Variants in VTCN1 observed in about 807,000 individuals in gnomAD.
VTCN1 encodes V-set domain containing T cell activation inhibitor 1.
Under a neutral mutation model 26.5 loss-of-function variants are expected in VTCN1, and 26 were observed. The observed-to-expected ratio is 0.98, with a 90% confidence interval of 0.72 to 1.36. VTCN1 has a LOEUF of 1.36. Ranked by LOEUF, VTCN1 falls within the 40% of genes most tolerant of loss-of-function variation. VTCN1 has a pLI of 0.00. For synonymous variants in VTCN1, 116 were observed against 130.7 expected (o/e 0.89, Z 0.77); for missense variants, 298 against 337.7 (o/e 0.88, Z 0.92).
intron 1 of VTCN1, among the ~76,000 whole-genome samples, chr1:117,199,322 A>G (rs1373765395): frequency 6.6e-6 from 1 of 151,898 alleles, no homozygotes; most frequent in East Asian, 1.9e-4. Context: ...TGAAATTACC[A>G]TTTTTCTTTT....
intron 1 of VTCN1, among the ~76,000 whole-genome samples, chr1:117,206,176 C>A (rs12089928): frequency 0.012 from 1,869 of 149,758 alleles, 42 homozygotes; most frequent in African/African-American, 0.044. Context: ...GAATAAGAAT[C>A]TGGAGAACTC....
intron 4 of VTCN1, among the ~76,000 whole-genome samples, chr1:117,150,263 C>T (rs934226805): frequency 7.9e-5 from 12 of 152,200 alleles, no homozygotes; most frequent in African/African-American, 2.9e-4. Flanking sequence ...TTCAGTCTCA[C>T]CACTCTCTTG....
intron 1 of VTCN1, chr1:117,172,547 T>C (rs151093184): frequency 1.8e-4 from 92 of 498,378 alleles, no homozygotes; most frequent in African/African-American, 1.6e-3. Context: ...TTCATTTACT[T>C]TGGATAAAAT....
chr1:117,170,753 T>C (rs557587560), intron 1 of VTCN1, among the ~76,000 whole-genome samples: 4 of 152,294 alleles, frequency 2.6e-5, no homozygotes, highest in African/African-American at 9.6e-5. Flanking sequence ...TTAGAAAATA[T>C]AAACAAGCAA....
chr1:117,157,528 A>T (rs1319009652), intron 2 of VTCN1, among the ~76,000 whole-genome samples: 1 of 152,218 alleles, frequency 6.6e-6, no homozygotes, highest in Admixed American at 6.5e-5. Context: ...ACTCACTACC[A>T]CAAGAACAGT....
At position 117,144,821 on chromosome 1, in the gene VTCN1, T is replaced by C. The variant is rs1246763455; in HGVS notation, c.*450A>G. 6.6e-6 allele frequency: 1 copy of C among 152,620 alleles called. No homozygotes were observed. The highest frequency in any genetic ancestry group is 1.5e-5 in the Non-Finnish European group (1 of 68,048). The allele number at this position is 152,620 out of a possible 1,614,324, so 9.5% of individuals were successfully genotyped here. A position where few individuals can be genotyped will look rare whatever the true frequency, so the allele number is the denominator to read the frequency against. The stretch of plus-strand genomic sequence containing the variant: ...ACATACTACAGCTTAATTTGTGGAA[T>C]ATAAGATGTGGATATGTTGGGATAG... On this transcript the variant is annotated 3_prime_UTR_variant, in exon 6 of 6. Transcript: ENST00000369458.
chr1:117,151,433 C>T (rs1007581579), intron 4 of VTCN1, among the ~76,000 whole-genome samples: 1 of 152,284 alleles, frequency 6.6e-6, no homozygotes, highest in South Asian at 2.1e-4. Flanking sequence ...AACAGCAAAA[C>T]ACCAAACCCT....
intron 2 of VTCN1, among the ~76,000 whole-genome samples, chr1:117,158,365 C>T (rs1652196459): frequency 1.3e-5 from 2 of 152,222 alleles, no homozygotes. Flanking sequence ...TCGCAAACCC[C>T]AATTCTTGAC....
intron 4 of VTCN1, among the ~76,000 whole-genome samples, chr1:117,150,432 C>T (rs1455544846): frequency 1.3e-5 from 2 of 152,182 alleles, no homozygotes; most frequent in African/African-American, 4.8e-5. Context: ...AACTGAACTT[C>T]CTGTCTTTGG....
At chr1:117,162,360 G>C (rs990251535) in intron 2 of VTCN1, among the ~76,000 whole-genome samples, 1 of 152,180 alleles carries the variant, frequency 6.6e-6, no homozygotes, top group South Asian at 2.1e-4. Context: ...AAACTATTCA[G>C]ACTTGCAAAC....
In VTCN1 at chr1:117,146,542, G is replaced by A. The variant is rs1570932774; in HGVS notation, c.*45+1071C>T. Among the ~76,000 whole-genome samples the A allele has an allele frequency of 6.6e-6, 1 of 152,178 alleles. No individual in the cohort carries two copies. Among genetic ancestry groups the A allele is most frequent in the Admixed American group, 6.5e-5 (1 of 15,274 alleles). On this transcript the variant is annotated intron_variant, in intron 5 of 5. Transcript: ENST00000369458. The surrounding 1 kb of genome is among the most constrained non-coding windows in gnomAD (Gnocchi z 4.2). ...AGACTCTTGGGGAGGTGGGATATAA[G>A]CTAGGAAGCATTTTCCTAAAATGGA...
intron 1 of VTCN1, among the ~76,000 whole-genome samples, chr1:117,202,452 G>C (rs1399039420): frequency 6.6e-6 from 1 of 152,148 alleles, no homozygotes; most frequent in African/African-American, 2.4e-5. Context: ...CATCTGTGTT[G>C]AATGCTGAAG....
intron 1 of VTCN1, among the ~76,000 whole-genome samples, chr1:117,176,669 A>G (rs1647369025): frequency 1.3e-5 from 2 of 152,238 alleles, no homozygotes; most frequent in Non-Finnish European, 2.9e-5. Context: ...CAAATGTGTG[A>G]TTTATTTGAA....
rs1652785726 is a variant in VTCN1 at position 117,169,518 on chromosome 1, CTGAT to C, written c.97+585_97+588del. Among the ~76,000 whole-genome samples, 1 of 152,218 alleles carries C rather than the reference CTGAT, an allele frequency of 6.6e-6. No homozygotes were observed. Among genetic ancestry groups the C allele is most frequent in the South Asian group, 2.1e-4 (1 of 4,836 alleles). ...CCCAGAATGACATCTTCAGCACTGA[CTGAT>C]AGATAGACTACTGATAAACATCTCA... On this transcript the variant is annotated intron_variant, in intron 2 of 5. Coordinates refer to ENST00000369458, the MANE Select transcript of VTCN1 (RefSeq NM_024626.4). This position sits in a 1 kb window ranked among gnomAD's most constrained non-coding sequence, Gnocchi z 4.0.
intron 3 of VTCN1, 30 bp from the exon 4 acceptor site, chr1:117,153,399 T>A (rs973529236): frequency 1.3e-6 from 2 of 1,581,662 alleles, no homozygotes; most frequent in Non-Finnish European, 1.7e-6. Flanking sequence ...AAAGGGCAGA[T>A]GCCAAAGTCA....
chr1:117,170,366 G>A, intron 1 of VTCN1, 195 bp from the exon 2 acceptor site: 1 of 686,826 alleles, frequency 1.5e-6, no homozygotes, highest in South Asian at 1.4e-5. Flanking sequence ...ATCCCCCTGG[G>A]GCTCTGGGAT....
At chr1:117,179,571 C>A (rs1647570601) in intron 1 of VTCN1, among the ~76,000 whole-genome samples, 1 of 152,170 alleles carries the variant, frequency 6.6e-6, no homozygotes, top group Admixed American at 6.5e-5. Context: ...GACTGGCCTG[C>A]AAATGCATGT....
intron 3 of VTCN1, among the ~76,000 whole-genome samples, chr1:117,154,783 C>CAAAAAAAAAAAAAAAAAAAA (rs916361996): frequency 2.5e-5 from 1 of 39,888 alleles, no homozygotes; most frequent in African/African-American, 8.3e-5. Context: ...AACTCCATCT[C>CAAAAAAAAAAAAAAAAAAAA]AAAAAAAAAA....
Position 117,167,549 on chromosome 1 carries a change from A to C in VTCN1, c.97+2558T>G, listed in dbSNP as rs1570954410. Among the ~76,000 whole-genome samples the C allele has an allele frequency of 2.0e-5, 3 of 152,198 alleles. No individual in the cohort carries two copies. The highest frequency in any genetic ancestry group is 6.5e-5 in the Admixed American group (1 of 15,280). ...CTGTCACCAGGAAACAGAAATTAAAACCACAAAATTCCACAACACCCAGTA... is the reference window on the plus strand; with the variant it reads ...CTGTCACCAGGAAACAGAAATTAAACCCACAAAATTCCACAACACCCAGTA... On this transcript the variant is annotated intron_variant, in intron 2 of 5. Transcript: ENST00000369458. The surrounding 1 kb of genome is among the most constrained non-coding windows in gnomAD (Gnocchi z 4.1).
Sources: gnomAD v4.1 joint callset for allele counts (sites outside exome capture counted in the v4.1 genomes callset) on GRCh38, gnomAD v4.1.1 for gene constraint, Gnocchi (gnomAD v3.1) non-coding constraint, MANE v1.5 for transcripts, NCBI Gene and HGNC (gene_info 2026-07-23, HGNC 2026-07-21) for gene names.